The following ADAMTSL1 variants were observed in gnomAD, a reference collection of about 807,000 sequenced individuals.
ADAMTSL1 encodes ADAMTS-like protein 1.
ADAMTSL1 carries 126 observed loss-of-function variants against 201.8 expected under a neutral mutation model. The ratio of observed to expected loss-of-function variants is 0.62; its 90% confidence interval spans 0.54 to 0.72. The LOEUF is 0.72. ADAMTSL1 is among the 30% of genes least tolerant of loss of function. ADAMTSL1 has a pLI of 0.00. For missense variants in ADAMTSL1, 2,679 were observed against 2,277.8 expected (o/e 1.18, Z -3.59); for synonymous variants, 1,121 against 903.4 (o/e 1.24, Z -4.32).
chr9:18,286,210 G>C (rs183715298), intron 2 of ADAMTSL1, among the ~76,000 whole-genome samples: 45 of 152,250 alleles, frequency 3.0e-4, no homozygotes, highest in Non-Finnish European at 5.3e-4. Flanking sequence ...GAGGGAAATT[G>C]TTTAACGTGG....
At chr9:18,550,065 G>A (rs909056238) in intron 3 of ADAMTSL1, among the ~76,000 whole-genome samples, 1 of 151,910 alleles carries the variant, frequency 6.6e-6, no homozygotes, top group Non-Finnish European at 1.5e-5. Context: ...CATTTTATGA[G>A]AAAGAAATAA....
chr9:18,683,415 T>G (rs970007833), intron 12 of ADAMTSL1, among the ~76,000 whole-genome samples: 7 of 149,412 alleles, frequency 4.7e-5, no homozygotes, highest in Admixed American at 2.0e-4. Flanking sequence ...TTTTTTTTGG[T>G]AGAGACGGGG....
intron 20 of ADAMTSL1, among the ~76,000 whole-genome samples, chr9:18,815,535 C>CA (rs1160039227): frequency 3.4e-5 from 5 of 148,214 alleles, no homozygotes; most frequent in Admixed American, 1.3e-4. Flanking sequence ...CAAAAAAATA[C>CA]AAAAAATACA....
chr9:18,005,972 G>C (rs755081927), intron 1 of ADAMTSL1, among the ~76,000 whole-genome samples: 41 of 151,934 alleles, frequency 2.7e-4, no homozygotes, highest in Non-Finnish European at 5.4e-4. Context: ...ATGTGGGAGA[G>C]AGTATGAGAT....
At chr9:17,965,383 T>C (rs377581856) in intron 1 of ADAMTSL1, among the ~76,000 whole-genome samples, 5 of 152,292 alleles carry the variant, frequency 3.3e-5, no homozygotes, top group African/African-American at 1.2e-4. Flanking sequence ...TGATGAATTA[T>C]TATAGACCAT....
chr9:18,232,712 T>G (rs1266743192), intron 2 of ADAMTSL1, among the ~76,000 whole-genome samples: 1 of 152,160 alleles, frequency 6.6e-6, no homozygotes, highest in East Asian at 1.9e-4. Flanking sequence ...ATAGTAAATT[T>G]GTACACCAAA....
At chr9:18,805,033 C>CT (rs1417604230) in intron 20 of ADAMTSL1, among the ~76,000 whole-genome samples, 1 of 152,154 alleles carries the variant, frequency 6.6e-6, no homozygotes, top group East Asian at 1.9e-4. Flanking sequence ...ACATCACTGT[C>CT]TTTTTTGTGT....
At chr9:18,126,478 G>A (rs1366854224) in intron 1 of ADAMTSL1, among the ~76,000 whole-genome samples, 1 of 152,114 alleles carries the variant, frequency 6.6e-6, no homozygotes, top group Admixed American at 6.5e-5. Flanking sequence ...TTATCACACT[G>A]TACTGCAGCC....
rs142838997 is a variant in ADAMTSL1, at chr9:18,035,107, A to G, written c.87+128185A>G. Among the ~76,000 whole-genome samples the G allele has an allele frequency of 2.1e-3, 325 of 152,338 alleles. 1 individual carries two copies. Among genetic ancestry groups the G allele is most frequent in the Non-Finnish European group, 3.7e-3 (249 of 68,034 alleles). ...TTAAAAAGATATTTTAATAATTAAAATTATCTTTATCAAAGGATAAATTGT... is the reference window on the plus strand; with the variant it reads ...TTAAAAAGATATTTTAATAATTAAAGTTATCTTTATCAAAGGATAAATTGT... On this transcript the variant is annotated intron_variant, in intron 1 of 29. Coordinates refer to the ADAMTSL1 transcript ENST00000680146.
At chr9:18,068,277 C>G (rs1180093390) in intron 1 of ADAMTSL1, among the ~76,000 whole-genome samples, 1 of 151,948 alleles carries the variant, frequency 6.6e-6, no homozygotes, top group East Asian at 1.9e-4. Context: ...AACCATGGAT[C>G]ACAAATAAAG....
At chr9:18,413,896 TTTC>T (rs1205088020) in intron 2 of ADAMTSL1, among the ~76,000 whole-genome samples, 9 of 152,204 alleles carry the variant, frequency 5.9e-5, no homozygotes, top group Admixed American at 5.2e-4. Flanking sequence ...CTGGCTAAAT[TTTC>T]TGTTTTTCAA....
intron 1 of ADAMTSL1, among the ~76,000 whole-genome samples, chr9:18,071,754 A>G (rs879530962): frequency 2.6e-5 from 4 of 152,220 alleles, no homozygotes; most frequent in Non-Finnish European, 4.4e-5. Context: ...GCACGTGCCC[A>G]TACCTCAGAG....
intron 2 of ADAMTSL1, among the ~76,000 whole-genome samples, chr9:18,466,700 T>G (rs1821019178): frequency 6.6e-6 from 1 of 152,130 alleles, no homozygotes; most frequent in Admixed American, 6.5e-5. Context: ...TTCTTTTTTA[T>G]ATTTATTTCA....
chr9:18,827,582 G>T (rs1353650813), intron 22 of ADAMTSL1, among the ~76,000 whole-genome samples: 1 of 152,166 alleles, frequency 6.6e-6, no homozygotes, highest in Non-Finnish European at 1.5e-5. Context: ...CTAGTCTGGA[G>T]CCCAGAGACC....
chr9:18,411,486 G>A (rs1049835060), intron 2 of ADAMTSL1, among the ~76,000 whole-genome samples: 12 of 152,056 alleles, frequency 7.9e-5, no homozygotes, highest in African/African-American at 2.2e-4. Flanking sequence ...GGCGTGAGCC[G>A]CCATACCTGG....
At chr9:18,036,041 G>T (rs1219055658) in intron 1 of ADAMTSL1, among the ~76,000 whole-genome samples, 2 of 152,144 alleles carry the variant, frequency 1.3e-5, no homozygotes, top group Non-Finnish European at 2.9e-5. Context: ...CAGGAACACT[G>T]TGCTACACAA....
intron 26 of ADAMTSL1, among the ~76,000 whole-genome samples, chr9:18,896,230 C>T (rs758640592): frequency 1.4e-4 from 22 of 152,108 alleles, no homozygotes; most frequent in Non-Finnish European, 2.1e-4. Flanking sequence ...AGAAGCTAAA[C>T]AAACTCTAAG....
chr9:18,823,864 C>T (rs1019461972), intron 21 of ADAMTSL1, among the ~76,000 whole-genome samples: 7 of 152,154 alleles, frequency 4.6e-5, no homozygotes, highest in African/African-American at 1.7e-4. Flanking sequence ...TGGTGCACGC[C>T]TGTAATTCCA....
At chr9:18,713,361 C>T (rs1246783435) in intron 14 of ADAMTSL1, among the ~76,000 whole-genome samples, 13 of 152,090 alleles carry the variant, frequency 8.5e-5, no homozygotes, top group Non-Finnish European at 1.3e-4. Context: ...ACCCATCTCA[C>T]GTGCAGAGAC....
Sources: allele counts gnomAD v4.1 joint callset (sites outside exome capture counted in the v4.1 genomes callset), GRCh38; gene constraint gnomAD v4.1.1; transcripts MANE v1.5; gene names NCBI Gene and HGNC (gene_info 2026-07-23, HGNC 2026-07-21).